USP24: variants seen among roughly 807,000 people sequenced by gnomAD.
USP24 encodes the protein ubiquitin specific peptidase 24.
Under a neutral mutation model 361.6 loss-of-function variants are expected in USP24, and 97 were observed. The ratio of observed to expected loss-of-function variants is 0.27; its 90% CI spans 0.23 to 0.32. The LOEUF (loss-of-function observed/expected upper bound fraction) is 0.32, where lower values mean the gene tolerates loss of function less well. Ranked by LOEUF, USP24 falls within the 10% of genes least tolerant of loss-of-function variation. The pLI is 1.00. For missense variants in USP24, 2,353 were observed against 3,165.6 expected (o/e 0.74, Z 6.16); for synonymous variants, 1,098 against 1,124.6 (o/e 0.98, Z 0.47).
chr1:55,139,552 C>A (rs1320054067), intron 24 of USP24, among the ~76,000 whole-genome samples: 2 of 152,298 alleles, frequency 1.3e-5, no homozygotes, highest in Middle Eastern at 3.4e-3. Flanking sequence ...AATAATCAGA[C>A]TGCAATATTC....
At chr1:55,134,197 A>C (rs764326631) in intron 29 of USP24, 34 bp from the exon 30 acceptor site, 1 of 1,602,482 alleles carries the variant, frequency 6.2e-7, no homozygotes, top group Admixed American at 1.7e-5. Context: ...TTTTCATATA[A>C]GCCATAGTTT....
chr1:55,126,012 A>G (rs1341423795), intron 32 of USP24, among the ~76,000 whole-genome samples: 1 of 152,232 alleles, frequency 6.6e-6, no homozygotes, highest in Non-Finnish European at 1.5e-5. Context: ...GGTGATCCTT[A>G]GAAAATTTAA....
intron 3 of USP24, among the ~76,000 whole-genome samples, chr1:55,175,078 T>C (rs1649821946): frequency 6.6e-6 from 1 of 152,012 alleles, no homozygotes; most frequent in South Asian, 2.1e-4. Flanking sequence ...GATTTCTCCA[T>C]TTTTTAAAAA....
intron 24 of USP24, 34 bp downstream of exon 24, chr1:55,141,582 G>C: frequency 6.5e-7 from 1 of 1,535,336 alleles, no homozygotes; most frequent in Non-Finnish European, 8.9e-7. Flanking sequence ...ACTGACATAT[G>C]TGTGTTGTGT....
intron 1 of USP24, among the ~76,000 whole-genome samples, chr1:55,187,442 C>T (rs1357099985): frequency 2.0e-5 from 3 of 152,046 alleles, no homozygotes; most frequent in Admixed American, 6.6e-5. Context: ...AGTGTCTAGT[C>T]AAGGCAATTA....
intron 32 of USP24, among the ~76,000 whole-genome samples, chr1:55,126,370 C>T (rs1044779727): frequency 6.6e-6 from 1 of 152,170 alleles, no homozygotes; most frequent in African/African-American, 2.4e-5. Context: ...TTCCTGATCA[C>T]CCTACTGAAA....
chr1:55,210,945 T>C (rs2100958259), intron 1 of USP24, among the ~76,000 whole-genome samples: 1 of 152,328 alleles, frequency 6.6e-6, no homozygotes, highest in South Asian at 2.1e-4. Context: ...TTTAGTATTT[T>C]CTAAAGACAA....
rs1388772792 is a variant in USP24 at position 55,137,547 on chromosome 1, C to T, written c.3169G>A (p.Gly1057Arg). 4.3e-6 allele frequency: 7 copies of T among 1,613,242 alleles called. No individual in the cohort carries two copies. The highest frequency in any genetic ancestry group is 2.7e-5 in the African/African-American group (2 of 74,870). ...SSTSSSSSSS[G>R]VFSSSYAMEQ... ...ATGGCATATGAAGAACTAAAAACCCCACTGCTGCTGCTGCTGGAGCTGGTT... is the reference window on the plus strand; with the variant it reads ...ATGGCATATGAAGAACTAAAAACCCTACTGCTGCTGCTGCTGGAGCTGGTT... Residue 1057 changes from glycine to arginine, a missense_variant, in exon 28 of 68, where the codon GGG (glycine) becomes AGG (arginine). By Grantham distance (125) the Gly-to-Arg change is moderately radical. Coordinates refer to ENST00000294383, the MANE Select transcript of USP24 (RefSeq NM_015306.3).
Position 55,072,823 on chromosome 1 carries a change from T to C in USP24, c.7565A>G (p.His2522Arg), listed in dbSNP as rs1408673882. The change falls in exon 65 of 68, where the codon CAC becomes CGC. Residue 2522 changes from histidine (H) to arginine (R), a missense_variant. Coordinates refer to ENST00000294383, the MANE Select transcript of USP24 (RefSeq NM_015306.3). ...AAKEYFKENS[H>R]HWSWAVQWLQ... ...CCACTGCACAGCCCAGCTCCAGTGG[T>C]GGGAATTCTCCTTGAAGTACTCCTT... 2 of 1,608,030 alleles carry C rather than the reference T, an allele frequency of 1.2e-6. No individual in the cohort carries two copies. Among genetic ancestry groups the C allele is most frequent in the Non-Finnish European group, 1.7e-6 (2 of 1,177,180 alleles).
rs1398180289 is a variant in USP24 at position 55,147,020 on chromosome 1, T to C, written c.2159A>G (p.Gln720Arg). The part of the protein sequence containing the change: ...AHLKFLAFFL[Q>R]EATLYLGWNR... ...CCAGCCCAGATACAGAGTAGCTTCT[T>C]GCAAGAAAAACGCTAGAAATTTTAG... is the stretch of plus-strand genomic sequence containing the variant. The change falls in exon 19 of 68, where the codon CAA becomes CGA. Residue 720 changes from glutamine to arginine, a missense_variant. By Grantham distance (43) the Gln-to-Arg change is conservative (BLOSUM62 1). Transcript: ENST00000294383. 1.9e-6 allele frequency: 3 copies of C among 1,593,624 alleles called. No homozygotes were observed. The South Asian group carries it at 3.4e-5, about 18-fold the overall frequency.
chr1:55,098,148 A>C (rs1268807568), intron 46 of USP24, 64 bp from the exon 47 acceptor site: 1 of 1,476,318 alleles, frequency 6.8e-7, no homozygotes, highest in Non-Finnish European at 9.0e-7. Context: ...CAATTATCAT[A>C]ATACCTAAGC....
intron 1 of USP24, among the ~76,000 whole-genome samples, chr1:55,197,149 G>C (rs1190032580): frequency 6.6e-6 from 1 of 152,112 alleles, no homozygotes; most frequent in African/African-American, 2.4e-5. Context: ...ACCACAGTTG[G>C]CTTCACCTTC....
intron 35 of USP24, 44 bp downstream of exon 35, chr1:55,124,425 T>C (rs1303722028): frequency 6.4e-7 from 1 of 1,569,444 alleles, no homozygotes; most frequent in Admixed American, 1.9e-5. Flanking sequence ...CTTATGGTTA[T>C]TTCTTACCCA....
intron 41 of USP24, among the ~76,000 whole-genome samples, chr1:55,104,489 A>G (rs888675655): frequency 2.0e-5 from 3 of 152,214 alleles, no homozygotes; most frequent in Admixed American, 6.5e-5. Flanking sequence ...AGACAAAAAT[A>G]CAGTTTGTCA....
At chr1:55,213,436 A>G (rs143516873) in intron 1 of USP24, among the ~76,000 whole-genome samples, 131 of 152,342 alleles carry the variant, frequency 8.6e-4, no homozygotes, top group African/African-American at 3.0e-3. Flanking sequence ...TTCTTGTTCA[A>G]GCTACTTCAG....
At chr1:55,213,880 C>T (rs906573666) in intron 1 of USP24, among the ~76,000 whole-genome samples, 4 of 152,092 alleles carry the variant, frequency 2.6e-5, no homozygotes, top group Non-Finnish European at 5.9e-5. Context: ...TCCTCCTCCA[C>T]CCCCACTGCG....
rs988858942 is a variant in USP24 at position 55,125,383 on chromosome 1, G to A, written c.3897C>T (p.Ser1299=). 13 of 1,613,902 alleles carry A rather than the reference G, an allele frequency of 8.1e-6. No homozygotes were observed. Among genetic ancestry groups the A allele is most frequent in the South Asian group, 1.1e-5 (1 of 91,074 alleles). ...CCCTAATAGAAGACCTATCAGACACGGACAACTGTCGGTAGGATGACTTTT... is the reference window on the plus strand; with the variant it reads ...CCCTAATAGAAGACCTATCAGACACAGACAACTGTCGGTAGGATGACTTTT... ...TPEKSSYRQL[S]VSDRSSIRVE... Residue 1299 remains serine (S), a synonymous_variant, in exon 34 of 68, where the codon TCC becomes TCT. Coordinates refer to ENST00000294383, the MANE Select transcript of USP24 (RefSeq NM_015306.3).
At chr1:55,211,327 G>A (rs980473177) in intron 1 of USP24, among the ~76,000 whole-genome samples, 3 of 152,074 alleles carry the variant, frequency 2.0e-5, no homozygotes, top group Admixed American at 2.0e-4. Context: ...AATCAAAACT[G>A]GACAGCTTCT....
chr1:55,150,665 C>T (rs1191861650), intron 16 of USP24, among the ~76,000 whole-genome samples: 1 of 152,002 alleles, frequency 6.6e-6, no homozygotes, highest in Non-Finnish European at 1.5e-5. Context: ...TGAAAATTAT[C>T]CTTTGAAGGT....
Sources: allele counts gnomAD v4.1 joint callset (sites outside exome capture counted in the v4.1 genomes callset), GRCh38; gene constraint gnomAD v4.1.1; transcripts MANE v1.5; gene names NCBI Gene and HGNC (gene_info 2026-07-23, HGNC 2026-07-21).